GALNT13: variants seen among roughly 807,000 people sequenced by gnomAD.
The protein encoded by GALNT13 is polypeptide N-acetylgalactosaminyltransferase 13, also known as UDP-GalNAc:polypeptide N-acetylgalactosaminyltransferase 13.
GALNT13 carries 28 observed loss-of-function variants against 64.2 expected under a neutral mutation model. That is an observed-to-expected ratio of 0.44 (90% CI 0.32 to 0.60). The LOEUF (loss-of-function observed/expected upper bound fraction) is 0.60, where lower values mean the gene tolerates loss of function less well. GALNT13 is among the 20% of genes least tolerant of loss of function. The probability of loss-of-function intolerance (pLI) is 0.05; values close to 1 mark genes in which losing one functional copy is unlikely to be tolerated. For synonymous variants in GALNT13, 214 were observed against 224.6 expected, an observed-to-expected ratio of 0.95 and a Z score of 0.42; for missense variants, 577 against 669.8, an observed-to-expected ratio of 0.86 and a Z score of 1.53.
chr2:153,079,953 T>C, the GALNT13 span, among the ~76,000 whole-genome samples: 2 of 152,194 alleles, frequency 1.3e-5, no homozygotes, highest in Non-Finnish European at 2.9e-5. Context: ...CATCAGAATA[T>C]AGAAAATAAA....
the GALNT13 span, among the ~76,000 whole-genome samples, chr2:153,304,549 C>T: frequency 1.3e-5 from 2 of 152,100 alleles, no homozygotes; most frequent in Non-Finnish European, 2.9e-5. Context: ...GGGACTAGAA[C>T]CACCAATATG....
intron 3 of GALNT13, among the ~76,000 whole-genome samples, chr2:154,034,415 G>A (rs938735332): frequency 6.6e-6 from 1 of 152,002 alleles, no homozygotes; most frequent in Admixed American, 6.6e-5. Context: ...GTGCAGTTTT[G>A]GTTTCACTTG....
chr2:153,111,480 A>T, the GALNT13 span, among the ~76,000 whole-genome samples: 2 of 152,048 alleles, frequency 1.3e-5, no homozygotes, highest in Admixed American at 6.6e-5. Context: ...AGCCTAAAAG[A>T]TATAAAAACA....
intron 4 of GALNT13, among the ~76,000 whole-genome samples, chr2:154,185,214 A>T (rs368468126): frequency 1.3e-3 from 194 of 152,178 alleles, no homozygotes; most frequent in African/African-American, 4.3e-3. Context: ...AAATTTACAG[A>T]TAATTTCATG....
At chr2:154,406,489 A>G (rs1469155) in intron 10 of GALNT13, among the ~76,000 whole-genome samples, 99,113 of 151,992 alleles carry the variant, frequency 0.65, 32,877 homozygotes, top group Admixed American at 0.73. Context: ...AGGCTAGTCC[A>G]TTATTTCACT....
At chr2:153,633,593 A>C in the GALNT13 span, among the ~76,000 whole-genome samples, 1 of 152,078 alleles carries the variant, frequency 6.6e-6, no homozygotes, top group African/African-American at 2.4e-5. Context: ...ACCATAGGAG[A>C]CATTTATCAC....
chr2:153,928,774 A>G (rs991109066), intron 2 of GALNT13, among the ~76,000 whole-genome samples: 2 of 152,126 alleles, frequency 1.3e-5, no homozygotes, highest in African/African-American at 4.8e-5. Flanking sequence ...TAAAGTCCCA[A>G]TATCATATAT....
At chr2:154,314,683 G>C (rs1195225415) in intron 9 of GALNT13, among the ~76,000 whole-genome samples, 2 of 151,986 alleles carry the variant, frequency 1.3e-5, no homozygotes, top group Non-Finnish European at 2.9e-5. Flanking sequence ...GGAAGTGCCA[G>C]TTTCCTTTTA....
intron 11 of GALNT13, among the ~76,000 whole-genome samples, chr2:154,431,042 C>T (rs376344348): frequency 3.9e-5 from 6 of 152,042 alleles, no homozygotes; most frequent in East Asian, 3.9e-4. Context: ...GCTTTAAATG[C>T]GATACTTGTT....
At chr2:153,818,983 T>C in the GALNT13 span, among the ~76,000 whole-genome samples, 1 of 152,184 alleles carries the variant, frequency 6.6e-6, no homozygotes, top group Non-Finnish European at 1.5e-5. Flanking sequence ...CAGCCGGACC[T>C]GGGTCCAGCT....
the GALNT13 span, among the ~76,000 whole-genome samples, chr2:153,750,455 G>T: frequency 6.6e-6 from 1 of 151,686 alleles, no homozygotes; most frequent in African/African-American, 2.4e-5. Context: ...TAAGTCCTGG[G>T]ATTTTGTTTA....
the GALNT13 span, among the ~76,000 whole-genome samples, chr2:153,214,368 A>G: frequency 1.3e-5 from 2 of 152,192 alleles, no homozygotes; most frequent in Non-Finnish European, 2.9e-5. Flanking sequence ...GCACTTTATG[A>G]TGACTCAATA....
rs1354587039 is a variant in GALNT13, at chr2:154,452,958, T to G, written c.*2407T>G. 2.0e-5 allele frequency: 3 copies of G among 152,178 alleles called. No individual in the cohort carries two copies. Among genetic ancestry groups the G allele is most frequent in the Non-Finnish European group, 4.4e-5 (3 of 68,038 alleles). 9.4% of individuals were successfully genotyped at this position (152,178 alleles called of 1,614,324 possible). A position where few individuals can be genotyped will look rare whatever the true frequency, so the allele number is the denominator to read the frequency against. On this transcript the variant is annotated 3_prime_UTR_variant, in exon 13 of 13. Transcript: ENST00000392825. ...CTTCTCCATCTCAGTTAATGCAACTTCAACCTTCCAGATGCTCAGGTCAAA... is the reference window on the plus strand; with the variant it reads ...CTTCTCCATCTCAGTTAATGCAACTGCAACCTTCCAGATGCTCAGGTCAAA...
At chr2:153,344,330 C>G in the GALNT13 span, among the ~76,000 whole-genome samples, 2 of 152,214 alleles carry the variant, frequency 1.3e-5, no homozygotes, top group African/African-American at 4.8e-5. Flanking sequence ...AGTCTTCAGT[C>G]TTCCCATAAC....
intron 4 of GALNT13, among the ~76,000 whole-genome samples, chr2:154,229,106 A>G (rs1352248536): frequency 1.3e-5 from 2 of 151,792 alleles, no homozygotes; most frequent in Non-Finnish European, 2.9e-5. Context: ...TTGGCACTTC[A>G]GTTCTGTTGC....
At chr2:154,423,735 G>A (rs1401646848) in intron 11 of GALNT13, among the ~76,000 whole-genome samples, 2 of 152,134 alleles carry the variant, frequency 1.3e-5, no homozygotes, top group East Asian at 1.9e-4. Flanking sequence ...GCTTACTCCA[G>A]GAGGTATAAC....
chr2:153,715,924 T>C, the GALNT13 span, among the ~76,000 whole-genome samples: 51 of 151,886 alleles, frequency 3.4e-4, 1 homozygote, highest in Middle Eastern at 3.4e-3. Flanking sequence ...TACATACATA[T>C]AGGGAAGAGG....
At chr2:153,484,679 C>T in the GALNT13 span, among the ~76,000 whole-genome samples, 22 of 152,206 alleles carry the variant, frequency 1.4e-4, no homozygotes, top group African/African-American at 4.6e-4. Flanking sequence ...ATTTTTTATA[C>T]CCAAACCAAA....
chr2:154,449,327 C>G (rs1217059259), intron 12 of GALNT13, among the ~76,000 whole-genome samples: 1 of 149,864 alleles, frequency 6.7e-6, no homozygotes, highest in Non-Finnish European at 1.5e-5. Flanking sequence ...CAGTCCTAAT[C>G]TAAGCAAACT....
Sources: gnomAD v4.1 joint callset for allele counts (sites outside exome capture counted in the v4.1 genomes callset) on GRCh38, gnomAD v4.1.1 for gene constraint, MANE v1.5 for transcripts, NCBI Gene and HGNC (gene_info 2026-07-23, HGNC 2026-07-21) for gene names.